Variants in CR2 observed in about 807,000 individuals in gnomAD.
The protein encoded by CR2 is complement C3d receptor 2.
Under a neutral mutation model 123.0 loss-of-function variants are expected in CR2, and 96 were observed. That is an observed-to-expected ratio of 0.78 (90% CI 0.66 to 0.93). The LOEUF (loss-of-function observed/expected upper bound fraction) is 0.93, where lower values mean the gene tolerates loss of function less well. Among genes scored for constraint, CR2 ranks in the 40% least tolerant of loss-of-function variants. The pLI is 0.00. For missense variants in CR2, 1,258 were observed against 1,361.0 expected (o/e 0.92, Z 1.19); for synonymous variants, 484 against 469.5 (o/e 1.03, Z -0.40).
chr1:207,478,389 A>G (rs1658501337), intron 16 of CR2, among the ~76,000 whole-genome samples: 1 of 151,640 alleles, frequency 6.6e-6, no homozygotes, highest in South Asian at 2.1e-4. Flanking sequence ...ATAACCAGGC[A>G]TGGAGGTGTG....
rs932384661 is a variant in CR2, at chr1:207,475,182, A to G, written c.2682A>G (p.Thr894=). The G allele has an allele frequency of 1.9e-6, 3 of 1,613,894 alleles. No individual in the cohort carries two copies. The highest frequency in any genetic ancestry group is 1.7e-6 in the Non-Finnish European group (2 of 1,179,900). ...TGATTAGGTGTCATACTGATAACAC[A>G]TGGGTGCCAGGTGTGCCAACTTGTA... ...SRVIRCHTDN[T]WVPGVPTCIK... is the part of the protein sequence containing the mutation. The change falls in exon 14 of 20, where the codon ACA becomes ACG. Residue 894 remains threonine (T), a synonymous_variant. Coordinates refer to ENST00000367057, the MANE Select transcript of CR2 (RefSeq NM_001006658.3).
chr1:207,458,211 A>C (rs1480283900), intron 1 of CR2, among the ~76,000 whole-genome samples: 2 of 152,054 alleles, frequency 1.3e-5, no homozygotes, highest in Admixed American at 6.5e-5. Context: ...CACATGTAAA[A>C]CAACAAAAAA....
chr1:207,458,065 C>CACACACACACACACACACACACAT (rs1558186022), intron 1 of CR2, among the ~76,000 whole-genome samples: 3 of 145,678 alleles, frequency 2.1e-5, no homozygotes, highest in African/African-American at 8.0e-5. Context: ...CCACAACACA[C>CACACACACACACACACACACACAT]ACACACACAC....
At chr1:207,468,481 G>C (rs1419989379) in intron 2 of CR2, 46 bp from the exon 3 acceptor site, 2 of 1,589,614 alleles carry the variant, frequency 1.3e-6, no homozygotes, top group Non-Finnish European at 1.7e-6. Context: ...GATTGTGAAG[G>C]ATGCATCATC....
At chr1:207,475,328 G>C in intron 14 of CR2, 112 bp downstream of exon 14, 1 of 1,168,830 alleles carries the variant, frequency 8.6e-7, no homozygotes, top group Non-Finnish European at 1.2e-6. Flanking sequence ...AGCTAAGGCA[G>C]TTATATTGTT....
intron 15 of CR2, among the ~76,000 whole-genome samples, chr1:207,476,689 G>C (rs181857284): frequency 6.6e-6 from 1 of 152,324 alleles, no homozygotes; most frequent in Non-Finnish European, 1.5e-5. Flanking sequence ...CCAAAGCACA[G>C]ATTGTATTTA....
At chr1:207,476,470 A>C (rs1291788687) in intron 15 of CR2, 51 bp downstream of exon 15, 2 of 1,518,076 alleles carry the variant, frequency 1.3e-6, no homozygotes, top group African/African-American at 2.8e-5. Context: ...TGTGCCAAAT[A>C]GATATATTCA....
chr1:207,469,334 C>A lies in CR2; in HGVS notation c.817+102C>A. On this transcript the variant is annotated intron_variant, in intron 5 of 19. Coordinates refer to ENST00000367057, the MANE Select transcript of CR2 (RefSeq NM_001006658.3). Reference sequence around the variant, plus strand: ...CAGACTCTTACTGAACACAGAACTCCTAGAGATCTTTAAGGATATGTGCTT... The same window carrying A: ...CAGACTCTTACTGAACACAGAACTCATAGAGATCTTTAAGGATATGTGCTT... The A allele has an allele frequency of 4.3e-6, 4 of 932,754 alleles. No homozygotes were observed. In the East Asian group the frequency reaches 7.2e-5, roughly 17 times the overall value. 57.8% of individuals were successfully genotyped at this position (932,754 alleles called of 1,614,324 possible).
At chr1:207,486,092 G>A (rs1288509474) in intron 19 of CR2, among the ~76,000 whole-genome samples, 2 of 151,902 alleles carry the variant, frequency 1.3e-5, no homozygotes, top group South Asian at 2.1e-4. Flanking sequence ...TTAGCCAAGC[G>A]TGGTGGTGTG....
chr1:207,472,650 A>T, intron 9 of CR2, 122 bp from the exon 10 acceptor site: 1 of 950,460 alleles, frequency 1.1e-6, no homozygotes, highest in Non-Finnish European at 1.6e-6. Context: ...AACTCACATC[A>T]TGAAAATGTA....
intron 18 of CR2, among the ~76,000 whole-genome samples, chr1:207,484,236 T>C (rs1054883912): frequency 1.3e-5 from 2 of 152,228 alleles, no homozygotes; most frequent in Admixed American, 6.5e-5. Context: ...CTAATTATTG[T>C]TTATTAATAT....
chr1:207,459,296 T>C (rs1657911020), intron 1 of CR2, among the ~76,000 whole-genome samples: 1 of 151,372 alleles, frequency 6.6e-6, no homozygotes, highest in Non-Finnish European at 1.5e-5. Flanking sequence ...TGGCCTTCCC[T>C]GGCTTTCTGA....
intron 18 of CR2, among the ~76,000 whole-genome samples, chr1:207,480,593 A>G (rs1658577789): frequency 6.6e-6 from 1 of 152,168 alleles, no homozygotes; most frequent in African/African-American, 2.4e-5. Context: ...ACCTTTTTTC[A>G]TACCCACTTA....
rs1174483160 is a variant in CR2, at chr1:207,469,687, T to G, written c.818-8T>G. 1.2e-6 allele frequency: 2 copies of G among 1,613,138 alleles called. No homozygotes were observed. On this transcript the variant is annotated splice_region_variant and splice_polypyrimidine_tract_variant and intron_variant, in intron 5 of 19. Transcript: ENST00000367057. Reference sequence around the variant, plus strand: ...TGATCTTGTCATTTCTTTCTGCAATTCCCCTAGAAATTTTTTGCCCATCAC... The same window carrying G: ...TGATCTTGTCATTTCTTTCTGCAATGCCCCTAGAAATTTTTTGCCCATCAC...
chr1:207,455,548 A>G (rs2102293025), intron 1 of CR2, among the ~76,000 whole-genome samples: 1 of 152,352 alleles, frequency 6.6e-6, no homozygotes, highest in East Asian at 1.9e-4. Flanking sequence ...CATCCAGCTT[A>G]TTGAGGTGTC....
chr1:207,488,590 C>T (rs1235742649), intron 19 of CR2, among the ~76,000 whole-genome samples: 1 of 152,142 alleles, frequency 6.6e-6, no homozygotes, highest in African/African-American at 2.4e-5. Flanking sequence ...CGCCACTGCA[C>T]TCCAGCCTGC....
chr1:207,464,020 G>C (rs1198887862), intron 1 of CR2, among the ~76,000 whole-genome samples: 2 of 152,102 alleles, frequency 1.3e-5, no homozygotes, highest in African/African-American at 4.8e-5. Flanking sequence ...TTTGTTTACT[G>C]TCCTTTGATT....
intron 6 of CR2, 90 bp downstream of exon 6, chr1:207,470,192 C>T: frequency 7.0e-7 from 1 of 1,435,472 alleles, no homozygotes; most frequent in Non-Finnish European, 9.7e-7. Flanking sequence ...GGGCCTTGTC[C>T]AGTTTATACT....
intron 1 of CR2, among the ~76,000 whole-genome samples, chr1:207,463,424 C>G (rs1418226798): frequency 6.6e-6 from 1 of 152,120 alleles, no homozygotes; most frequent in Non-Finnish European, 1.5e-5. Context: ...GAGAGGATCC[C>G]TAGAAGAGAA....
Sources: allele counts gnomAD v4.1 joint callset (sites outside exome capture counted in the v4.1 genomes callset), GRCh38; gene constraint gnomAD v4.1.1; transcripts MANE v1.5; gene names NCBI Gene and HGNC (gene_info 2026-07-23, HGNC 2026-07-21).